The following RAD51B variants were observed in gnomAD, a reference collection of about 807,000 sequenced individuals.
RAD51B encodes the protein DNA repair protein RAD51 homolog 2.
A neutral mutation model predicts 42.2 loss-of-function variants in RAD51B; 38 were observed. The ratio of observed to expected loss-of-function variants is 0.90; its 90% CI spans 0.70 to 1.18. The LOEUF (loss-of-function observed/expected upper bound fraction) is 1.18. RAD51B is among the 50% of genes most tolerant of loss of function. The pLI is 0.00. For synonymous variants in RAD51B, 154 were observed against 145.2 expected, an observed-to-expected ratio of 1.06 and a Z score of -0.43; for missense variants, 373 against 400.7, an observed-to-expected ratio of 0.93 and a Z score of 0.59.
chr14:68,654,299 C>CA (rs945857300), intron 11 of RAD51B, among the ~76,000 whole-genome samples: 5 of 152,246 alleles, frequency 3.3e-5, no homozygotes, highest in African/African-American at 1.2e-4. Context: ...ATCCCAGAAG[C>CA]ATTCTGGAGT....
intron 7 of RAD51B, among the ~76,000 whole-genome samples, chr14:68,167,665 A>G (rs1292839893): frequency 1.3e-5 from 2 of 152,126 alleles, no homozygotes; most frequent in African/African-American, 2.4e-5. Context: ...TGATGGGTAG[A>G]CGAGGTCTTT....
chr14:68,065,147 G>A (rs1372867827), intron 7 of RAD51B, among the ~76,000 whole-genome samples: 1 of 152,148 alleles, frequency 6.6e-6, no homozygotes, highest in African/African-American at 2.4e-5. Flanking sequence ...GTGTTTTAGG[G>A]TCTCAGTTGG....
At chr14:68,046,735 C>T (rs753971301) in intron 7 of RAD51B, among the ~76,000 whole-genome samples, 7 of 152,112 alleles carry the variant, frequency 4.6e-5, no homozygotes, top group Non-Finnish European at 1.0e-4. Context: ...GACCCTGTCT[C>T]AAAACCACCC....
chr14:68,512,552 G>T lies in RAD51B; in HGVS notation c.1036+44302G>T, dbSNP rs117932208. Reference sequence around the variant, plus strand: ...AATCATGGAAGTGCGGGTCTGTGTAGAGTGAGACAGCCTAAGCCCACCTCT... The same window carrying T: ...AATCATGGAAGTGCGGGTCTGTGTATAGTGAGACAGCCTAAGCCCACCTCT... On this transcript the variant is annotated intron_variant, in intron 10 of 10. Coordinates refer to the RAD51B transcript ENST00000487270. Among the ~76,000 whole-genome samples the T allele has an allele frequency of 4.1e-3, 618 of 152,278 alleles. 2 individuals carry two copies. The highest frequency in any genetic ancestry group is 6.3e-3 in the Non-Finnish European group (430 of 68,018).
chr14:68,572,522 T>C (rs1410932944), intron 10 of RAD51B, among the ~76,000 whole-genome samples: 2 of 152,238 alleles, frequency 1.3e-5, no homozygotes, highest in African/African-American at 4.8e-5. Context: ...CCCTTGTTTT[T>C]ACTCTGCTGG....
intron 11 of RAD51B, among the ~76,000 whole-genome samples, chr14:68,674,186 A>G (rs1893254694): frequency 1.5e-5 from 1 of 67,078 alleles, no homozygotes; most frequent in Non-Finnish European, 2.8e-5. Flanking sequence ...ATACACATAT[A>G]CATCACATAC....
intron 8 of RAD51B, among the ~76,000 whole-genome samples, chr14:68,333,660 A>G (rs1340920715): frequency 3.3e-5 from 5 of 152,236 alleles, no homozygotes; most frequent in East Asian, 1.9e-4. Context: ...TTTAAAATTA[A>G]TAGATAACAT....
chr14:68,433,487 T>A (rs2085066261), intron 9 of RAD51B, among the ~76,000 whole-genome samples: 1 of 152,202 alleles, frequency 6.6e-6, no homozygotes, highest in Non-Finnish European at 1.5e-5. Flanking sequence ...CTTGCTTTAT[T>A]TCATTCATTT....
At chr14:68,300,698 C>T (rs920635516) in intron 8 of RAD51B, among the ~76,000 whole-genome samples, 4 of 152,190 alleles carry the variant, frequency 2.6e-5, no homozygotes, top group Admixed American at 2.0e-4. Context: ...AGGGGAGAGA[C>T]GTCTCTTCTG....
At chr14:68,103,662 T>G (rs760094175) in intron 7 of RAD51B, among the ~76,000 whole-genome samples, 6 of 152,120 alleles carry the variant, frequency 3.9e-5, no homozygotes, top group Non-Finnish European at 8.8e-5. Flanking sequence ...GGAAGGGAAG[T>G]CTCTCCAGAT....
chr14:68,170,204 T>G (rs745787880), intron 7 of RAD51B, among the ~76,000 whole-genome samples: 1 of 152,198 alleles, frequency 6.6e-6, no homozygotes, highest in Non-Finnish European at 1.5e-5. Flanking sequence ...TAGGAAAATG[T>G]TGGTGGTTTT....
chr14:67,908,286 T>C (rs1443068440), intron 7 of RAD51B: 3 of 152,166 alleles, frequency 2.0e-5, no homozygotes, highest in Non-Finnish European at 2.9e-5. Flanking sequence ...GTCTTGGGAC[T>C]GAGGTATGGG....
intron 7 of RAD51B, among the ~76,000 whole-genome samples, chr14:68,232,318 C>T (rs538569530): frequency 6.6e-6 from 1 of 151,834 alleles, no homozygotes; most frequent in Admixed American, 6.6e-5. Flanking sequence ...AAACCTTAAG[C>T]AGGAAAAGTG....
At chr14:68,401,195 C>G (rs570145773) in intron 8 of RAD51B, among the ~76,000 whole-genome samples, 9 of 152,210 alleles carry the variant, frequency 5.9e-5, no homozygotes, top group Non-Finnish European at 1.0e-4. Flanking sequence ...CATAGTATCT[C>G]TGTAGGATAA....
chr14:68,022,439 G>A (rs1451159147), intron 7 of RAD51B, among the ~76,000 whole-genome samples: 1 of 152,152 alleles, frequency 6.6e-6, no homozygotes, highest in African/African-American at 2.4e-5. Flanking sequence ...TTTCTTTCAG[G>A]TATATCCCCA....
chr14:68,088,445 C>T (rs146380880), intron 7 of RAD51B, among the ~76,000 whole-genome samples: 139 of 151,846 alleles, frequency 9.2e-4, no homozygotes, highest in East Asian at 3.1e-3. Flanking sequence ...CTCTTTCTTT[C>T]GTCTAATAAC....
intron 7 of RAD51B, among the ~76,000 whole-genome samples, chr14:68,014,835 T>C (rs6573806): frequency 0.062 from 8,789 of 142,358 alleles, 617 homozygotes; most frequent in African/African-American, 0.18. Flanking sequence ...TTGGAAACAA[T>C]ATAAGAATGA....
rs894530041 is a variant in RAD51B at position 68,549,541 on chromosome 14, G to A, written c.1037-44944G>A. ...CGCCATTCTCCTGCCTCAGCCTCCCGTGTAGCTGGGACTACAGGCGCGCGC... is the reference window on the plus strand; with the variant it reads ...CGCCATTCTCCTGCCTCAGCCTCCCATGTAGCTGGGACTACAGGCGCGCGC... On this transcript the variant is annotated intron_variant, in intron 10 of 10. Transcript: ENST00000487270. Among the ~76,000 whole-genome samples the A allele has an allele frequency of 6.1e-5, 9 of 147,050 alleles. No homozygotes were observed. In the South Asian group the frequency reaches 6.6e-4, roughly 11 times the overall value.
intron 4 of RAD51B, among the ~76,000 whole-genome samples, chr14:67,856,202 C>T (rs2041995694): frequency 1.3e-5 from 2 of 152,122 alleles, no homozygotes; most frequent in Admixed American, 1.3e-4. Flanking sequence ...TCTCCCTTCC[C>T]ATTTACTTCC....
Sources: gnomAD v4.1 joint callset for allele counts (sites outside exome capture counted in the v4.1 genomes callset) on GRCh38, gnomAD v4.1.1 for gene constraint, MANE v1.5 for transcripts, NCBI Gene and HGNC (gene_info 2026-07-23, HGNC 2026-07-21) for gene names.